SCN8A: variants seen among roughly 807,000 people sequenced by gnomAD.
SCN8A encodes the protein sodium channel protein type 8 subunit alpha.
SCN8A carries 30 observed loss-of-function variants against 184.1 expected under a neutral mutation model. The observed-to-expected ratio is 0.16, with a 90% CI of 0.12 to 0.22. The LOEUF is 0.22. SCN8A is among the 10% of genes least tolerant of loss of function. The pLI is 1.00. For missense variants in SCN8A, 1,057 were observed against 2,498.9 expected, an observed-to-expected ratio of 0.42 and a Z score of 12.30; for synonymous variants, 852 against 907.0, an observed-to-expected ratio of 0.94 and a Z score of 1.09.
intron 2 of SCN8A, among the ~76,000 whole-genome samples, chr12:51,680,064 ATC>A (rs1941303067): frequency 6.6e-6 from 1 of 152,104 alleles, no homozygotes; most frequent in African/African-American, 2.4e-5. Context: ...TTATCTGTAA[ATC>A]TAATTATTTC....
intron 6 of SCN8A, among the ~76,000 whole-genome samples, chr12:51,691,062 C>G (rs1238557403): frequency 6.6e-6 from 1 of 152,156 alleles, no homozygotes; most frequent in Non-Finnish European, 1.5e-5. Flanking sequence ...TTTAGGCAAG[C>G]CCTGTCTTAT....
At chr12:51,593,300 G>A (rs989956936) in intron 1 of SCN8A, among the ~76,000 whole-genome samples, 2 of 152,160 alleles carry the variant, frequency 1.3e-5, no homozygotes, top group Admixed American at 6.5e-5. Flanking sequence ...CTGATTCAGG[G>A]TATATGTAAA....
At chr12:51,748,287 C>T (rs1046683061) in intron 13 of SCN8A, among the ~76,000 whole-genome samples, 7 of 152,136 alleles carry the variant, frequency 4.6e-5, no homozygotes, top group African/African-American at 1.7e-4. Flanking sequence ...TTATTTAAAA[C>T]CCAAGAGGCA....
chr12:51,636,711 C>A (rs1043162893), intron 1 of SCN8A, among the ~76,000 whole-genome samples: 4 of 152,150 alleles, frequency 2.6e-5, no homozygotes, highest in Non-Finnish European at 5.9e-5. Flanking sequence ...TCATTTATGC[C>A]ACAAACAACT....
chr12:51,770,021 C>A (rs375888177), intron 18 of SCN8A, 36 bp downstream of exon 18: 322 of 1,370,798 alleles, frequency 2.3e-4, no homozygotes, highest in Non-Finnish European at 3.1e-4. Context: ...GCTGGGGACA[C>A]TCGTGTTGCT....
intron 1 of SCN8A, among the ~76,000 whole-genome samples, chr12:51,613,358 G>C (rs749327911): frequency 8.9e-4 from 136 of 152,122 alleles, no homozygotes; most frequent in Non-Finnish European, 1.5e-3. Context: ...TCAAGGAATT[G>C]GTCCATTTAA....
intron 2 of SCN8A, among the ~76,000 whole-genome samples, chr12:51,665,419 T>G (rs1164455756): frequency 6.6e-6 from 1 of 152,230 alleles, no homozygotes; most frequent in Non-Finnish European, 1.5e-5. Flanking sequence ...TAATTTTTTT[T>G]GGTAATCTTG....
intron 2 of SCN8A, among the ~76,000 whole-genome samples, chr12:51,664,105 A>C (rs1262779719): frequency 6.6e-6 from 1 of 151,740 alleles, no homozygotes; most frequent in Non-Finnish European, 1.5e-5. Context: ...CTGTTCTTTC[A>C]CTGGGAAATC....
chr12:51,686,886 A>C (rs1242935095), intron 4 of SCN8A, among the ~76,000 whole-genome samples: 5 of 152,174 alleles, frequency 3.3e-5, no homozygotes, highest in African/African-American at 9.7e-5. Flanking sequence ...CCAGTACAAC[A>C]TTCCAAAGGT....
At chr12:51,804,675 C>T (rs1251542893) in intron 26 of SCN8A, among the ~76,000 whole-genome samples, 1 of 152,112 alleles carries the variant, frequency 6.6e-6, no homozygotes, top group Non-Finnish European at 1.5e-5. Context: ...TGGGTTTTGC[C>T]ATGTTGGCCA....
At chr12:51,599,130 A>G (rs978112762) in intron 1 of SCN8A, among the ~76,000 whole-genome samples, 1 of 152,184 alleles carries the variant, frequency 6.6e-6, no homozygotes, top group Non-Finnish European at 1.5e-5. Context: ...TGAATTCTAA[A>G]TCGCCTGCTT....
At position 51,809,394 on chromosome 12, in the gene SCN8A, C is replaced by A. The variant is rs1269356044; in HGVS notation, c.*1965C>A. On this transcript the variant is annotated 3_prime_UTR_variant, in exon 27 of 27. Transcript: ENST00000627620. ...ACACCGATCTGCCTTGCAGTAGAAG[C>A]ACTTTGAAGGTAATTTCACAGTCCA... 2.0e-5 allele frequency: 3 copies of A among 152,224 alleles called. No homozygotes were observed. Among genetic ancestry groups the A allele is most frequent in the Admixed American group, 2.0e-4 (3 of 15,280 alleles). 9.4% of individuals were successfully genotyped at this position (152,224 alleles called of 1,614,324 possible). A position where few individuals can be genotyped will look rare whatever the true frequency, so the allele number is the denominator to read the frequency against.
chr12:51,645,762 C>G (rs57783523), intron 1 of SCN8A, among the ~76,000 whole-genome samples: 6,912 of 147,162 alleles, frequency 0.047, 203 homozygotes, highest in East Asian at 0.13. Flanking sequence ...CAGCATGCTC[C>G]TTAAGAGTCA....
intron 1 of SCN8A, among the ~76,000 whole-genome samples, chr12:51,642,039 C>T (rs975998777): frequency 7.2e-5 from 11 of 152,126 alleles, no homozygotes; most frequent in African/African-American, 2.7e-4. Context: ...ACTAGTTGTC[C>T]TATCTCCTTT....
intron 19 of SCN8A, among the ~76,000 whole-genome samples, chr12:51,773,608 AAAAAATT>A (rs1165244071): frequency 6.6e-6 from 1 of 152,224 alleles, no homozygotes; most frequent in African/African-American, 2.4e-5. Context: ...GCAGTTCCTC[AAAAAATT>A]AAACAGTTAC....
At chr12:51,604,515 G>A (rs1001096053) in intron 1 of SCN8A, among the ~76,000 whole-genome samples, 5 of 151,364 alleles carry the variant, frequency 3.3e-5, no homozygotes, top group Non-Finnish European at 7.4e-5. Context: ...TTTTTTTAAC[G>A]GGTTTTTGTT....
chr12:51,612,958 C>T (rs578002498), intron 1 of SCN8A, among the ~76,000 whole-genome samples: 3 of 152,168 alleles, frequency 2.0e-5, no homozygotes, highest in Non-Finnish European at 2.9e-5. Context: ...CCTGACATCC[C>T]GTGATCCAAC....
At chr12:51,766,063 C>A in intron 16 of SCN8A, 36 bp downstream of exon 16, 1 of 1,526,648 alleles carries the variant, frequency 6.6e-7, no homozygotes. Context: ...TGTTCTACAC[C>A]CTGAATATTC....
chr12:51,794,087 A>G (rs1938342655), intron 25 of SCN8A, among the ~76,000 whole-genome samples: 1 of 152,222 alleles, frequency 6.6e-6, no homozygotes, highest in Non-Finnish European at 1.5e-5. Context: ...CAGAGGCTGC[A>G]GTGAGTCAAG....
Sources: allele counts gnomAD v4.1 joint callset (sites outside exome capture counted in the v4.1 genomes callset), GRCh38; gene constraint gnomAD v4.1.1; transcripts MANE v1.5; gene names NCBI Gene and HGNC (gene_info 2026-07-23, HGNC 2026-07-21).